STK32C: variants seen among roughly 807,000 people sequenced by gnomAD.
STK32C encodes the protein serine/threonine kinase 32C, also known as serine/threonine-protein kinase 32C.
In STK32C, 31 loss-of-function variants were observed where a neutral mutation model predicts 56.5. The observed-to-expected ratio is 0.55, with a 90% CI of 0.41 to 0.74. The LOEUF is 0.74. Among genes scored for constraint, STK32C ranks in the 30% least tolerant of loss-of-function variants. The pLI is 0.00. For synonymous variants in STK32C, 309 were observed against 289.4 expected (o/e 1.07, Z -0.69); for missense variants, 544 against 676.9 (o/e 0.80, Z 2.18).
At chr10:132,244,925 C>T (rs1326679792) in intron 2 of STK32C, among the ~76,000 whole-genome samples, 1 of 152,164 alleles carries the variant, frequency 6.6e-6, no homozygotes, top group Admixed American at 6.5e-5. Flanking sequence ...TGCAGGTCCA[C>T]GGGCGCCTCC....
In STK32C at chr10:132,208,071, T is replaced by C. The variant is rs143819270; in HGVS notation, c.1400A>G (p.Glu467Gly). ...SRDAAEPVED[E>G]AERSALPMCG... ...CATGGGCAGGGCGGAGCGTTCCGCCTCGTCCTCCACAGGCTCCGCAGCATC... is the reference window on the plus strand; with the variant it reads ...CATGGGCAGGGCGGAGCGTTCCGCCCCGTCCTCCACAGGCTCCGCAGCATC... Residue 467 changes from glutamate to glycine, a missense_variant, in exon 12 of 12, where the codon GAG becomes GGG. Glu to Gly is a moderately conservative substitution (Grantham distance 98). Transcript: ENST00000298630. 1,312 of 1,310,958 alleles carry C rather than the reference T, an allele frequency of 1.0e-3. 7 individuals are homozygous for C. The African/African-American group carries it at 0.016, about 16-fold the overall frequency. The allele number at this position is 1,310,958 out of a possible 1,614,324, so 81.2% of individuals were successfully genotyped here.
At chr10:132,209,989 G>A (rs2062239250) in intron 10 of STK32C, among the ~76,000 whole-genome samples, 1 of 152,204 alleles carries the variant, frequency 6.6e-6, no homozygotes. Flanking sequence ...GGGCTCTGAA[G>A]GTCGGAGGGG....
chr10:132,282,675 G>A (rs1035968284), intron 1 of STK32C, among the ~76,000 whole-genome samples: 9 of 152,300 alleles, frequency 5.9e-5, no homozygotes, highest in Non-Finnish European at 1.0e-4. Context: ...CAACGACGAC[G>A]AAGTCAGCTT....
chr10:132,219,049 A>C (rs992911450), intron 10 of STK32C, among the ~76,000 whole-genome samples: 4 of 152,156 alleles, frequency 2.6e-5, no homozygotes, highest in African/African-American at 9.7e-5. Flanking sequence ...AGGGGAGAAG[A>C]GGGGAATGGG....
intron 10 of STK32C, 47 bp downstream of exon 10, chr10:132,222,594 C>T: frequency 6.3e-7 from 1 of 1,599,324 alleles, no homozygotes. Flanking sequence ...AGAGAGGAGC[C>T]CCAAGCCCAG....
chr10:132,231,609 G>A (rs565408693), intron 2 of STK32C, among the ~76,000 whole-genome samples: 3 of 152,324 alleles, frequency 2.0e-5, no homozygotes, highest in South Asian at 2.1e-4. Flanking sequence ...CAGGAGCCTC[G>A]GAATGTGGCC....
chr10:132,271,125 AG>A (rs2064805784), intron 1 of STK32C, among the ~76,000 whole-genome samples: 1 of 152,124 alleles, frequency 6.6e-6, no homozygotes, highest in African/African-American at 2.4e-5. Flanking sequence ...ATAGAAATAC[AG>A]GGGGTGAGGA....
intron 2 of STK32C, among the ~76,000 whole-genome samples, chr10:132,231,485 T>A (rs1445171096): frequency 1.8e-4 from 28 of 152,216 alleles, no homozygotes; most frequent in Non-Finnish European, 4.1e-4. Context: ...GCCAGCCCCA[T>A]GCAAGGTACT....
intron 2 of STK32C, among the ~76,000 whole-genome samples, chr10:132,235,183 A>G (rs1214646836): frequency 6.6e-6 from 1 of 152,180 alleles, no homozygotes; most frequent in Non-Finnish European, 1.5e-5. Context: ...TTGATGGCAG[A>G]AGCAGATTAA....
At chr10:132,261,265 G>C (rs2064298173) in intron 1 of STK32C, among the ~76,000 whole-genome samples, 1 of 152,192 alleles carries the variant, frequency 6.6e-6, no homozygotes, top group African/African-American at 2.4e-5. Context: ...GCCTGGAACT[G>C]ACAAACGACC....
intron 1 of STK32C, among the ~76,000 whole-genome samples, chr10:132,264,939 C>T (rs1224760071): frequency 6.6e-6 from 1 of 152,258 alleles, no homozygotes; most frequent in Non-Finnish European, 1.5e-5. Flanking sequence ...AAGTTCAAGC[C>T]TCATCCATCA....
rs2064090147 is a variant in STK32C at position 132,255,603 on chromosome 10, CAGGAG to C, written c.263-9653_263-9649del. On this transcript the variant is annotated intron_variant, in intron 1 of 11. Transcript: ENST00000298630. This position sits in a 1 kb window ranked among gnomAD's most constrained non-coding sequence, Gnocchi z 4.6. ...AGAAGCGTCCAGCCACAGCAGCACCCAGGAGAGGAGCAGGGGGCCCTGCAGGAAGC... is the reference window on the plus strand; with the variant it reads ...AGAAGCGTCCAGCCACAGCAGCACCCAGGAGCAGGGGGCCCTGCAGGAAGC... 6.6e-6 allele frequency among the ~76,000 whole-genome samples: 1 copy of C among 152,222 alleles called. No individual in the cohort carries two copies. Among genetic ancestry groups the C allele is most frequent in the South Asian group, 2.1e-4 (1 of 4,836 alleles).
At chr10:132,273,620 G>C (rs1459344002) in intron 1 of STK32C, among the ~76,000 whole-genome samples, 1 of 152,188 alleles carries the variant, frequency 6.6e-6, no homozygotes, top group Non-Finnish European at 1.5e-5. Flanking sequence ...GTTACTGAAT[G>C]AGTGGAGTTA....
downstream of STK32C, among the ~76,000 whole-genome samples, chr10:132,321,909 A>C (rs2066415627): frequency 6.6e-6 from 1 of 152,150 alleles, no homozygotes; most frequent in African/African-American, 2.4e-5. Context: ...GTCCTGGTGC[A>C]CGCCTCCATC....
upstream of STK32C, chr10:132,331,896 C>A (rs916648009): frequency 2.0e-6 from 2 of 985,532 alleles, no homozygotes; most frequent in East Asian, 5.6e-5. Context: ...CCCCTGCCAC[C>A]CCCGCGCAGG....
chr10:132,256,939 G>A (rs1025084864), intron 1 of STK32C, among the ~76,000 whole-genome samples: 5 of 152,178 alleles, frequency 3.3e-5, no homozygotes, highest in Admixed American at 2.6e-4. Flanking sequence ...TGGGGGGGAC[G>A]CTGGCCACAG....
chr10:132,258,881 C>T (rs1433874506), intron 1 of STK32C, among the ~76,000 whole-genome samples: 3 of 152,260 alleles, frequency 2.0e-5, no homozygotes, highest in Admixed American at 6.5e-5. Flanking sequence ...TGAAGGTCTC[C>T]GCCCGTGGGC....
At chr10:132,323,374 A>G (rs2066444270), downstream of STK32C, among the ~76,000 whole-genome samples, 2 of 152,190 alleles carry the variant, frequency 1.3e-5, no homozygotes, top group South Asian at 4.1e-4. This position sits in a 1 kb window ranked among gnomAD's most constrained non-coding sequence, Gnocchi z 4.8. Flanking sequence ...TAGTGCCATC[A>G]CTGGCTGGCT....
At chr10:132,274,673 C>T (rs550784880) in intron 1 of STK32C, among the ~76,000 whole-genome samples, 1 of 152,328 alleles carries the variant, frequency 6.6e-6, no homozygotes, top group South Asian at 2.1e-4. Flanking sequence ...AGGCGTGGGC[C>T]TGTCTGCAGA....
Sources: allele counts gnomAD v4.1 joint callset (sites outside exome capture counted in the v4.1 genomes callset), GRCh38; gene constraint gnomAD v4.1.1; non-coding constraint Gnocchi (gnomAD v3.1); transcripts MANE v1.5; gene names NCBI Gene and HGNC (gene_info 2026-07-23, HGNC 2026-07-21).